AKT3: variants seen among roughly 807,000 people sequenced by gnomAD.
AKT3 encodes RAC-gamma serine/threonine-protein kinase.
In AKT3, 15 loss-of-function variants were observed where a neutral mutation model predicts 65.3. That is an observed-to-expected ratio of 0.23 (90% CI 0.15 to 0.35). The LOEUF (loss-of-function observed/expected upper bound fraction) is 0.35, where lower values mean the gene tolerates loss of function less well. AKT3 is among the 10% of genes least tolerant of loss of function. AKT3 has a pLI of 1.00. For synonymous variants in AKT3, 206 were observed against 183.8 expected, an observed-to-expected ratio of 1.12 and a Z score of -0.98; for missense variants, 243 against 576.5, an observed-to-expected ratio of 0.42 and a Z score of 5.92.
chr1:243,546,184 G>A (rs1672664346), intron 11 of AKT3, among the ~76,000 whole-genome samples: 1 of 152,180 alleles, frequency 6.6e-6, no homozygotes, highest in Non-Finnish European at 1.5e-5. Flanking sequence ...CCTGTAAGAT[G>A]TGCCTCTGCT....
At chr1:243,510,916 T>C (rs1472988062) in intron 13 of AKT3, among the ~76,000 whole-genome samples, 1 of 152,278 alleles carries the variant, frequency 6.6e-6, no homozygotes, top group African/African-American at 2.4e-5. Context: ...TCACTGGTGT[T>C]ACCCAGCATT....
chr1:243,567,618 T>C (rs1035906931), intron 9 of AKT3, among the ~76,000 whole-genome samples: 2 of 151,920 alleles, frequency 1.3e-5, no homozygotes, highest in African/African-American at 4.8e-5. Flanking sequence ...TTTGAGCTAC[T>C]GTGCCCAGCC....
chr1:243,693,293 T>TATA (rs1684842926), intron 3 of AKT3, among the ~76,000 whole-genome samples: 1 of 114,852 alleles, frequency 8.7e-6, no homozygotes, highest in African/African-American at 3.3e-5. Context: ...TATATATATA[T>TATA]AACATTTCCC....
At chr1:243,558,051 C>G (rs1673524297) in intron 10 of AKT3, among the ~76,000 whole-genome samples, 1 of 152,030 alleles carries the variant, frequency 6.6e-6, no homozygotes, top group South Asian at 2.1e-4. Context: ...ACATATGTAA[C>G]TTTAGCCTCA....
intron 2 of AKT3, among the ~76,000 whole-genome samples, chr1:243,801,563 A>T (rs1352604573): frequency 6.6e-6 from 1 of 152,132 alleles, no homozygotes; most frequent in Non-Finnish European, 1.5e-5. Flanking sequence ...CCTTCTGAAT[A>T]CTCCCTAGAG....
At chr1:243,583,057 A>G (rs1675492927) in intron 8 of AKT3, among the ~76,000 whole-genome samples, 1 of 150,796 alleles carries the variant, frequency 6.6e-6, no homozygotes. Flanking sequence ...CAATTCAACA[A>G]GAAGACTTAA....
intron 2 of AKT3, among the ~76,000 whole-genome samples, chr1:243,760,764 T>G (rs550302031): frequency 1.3e-5 from 2 of 152,272 alleles, no homozygotes; most frequent in East Asian, 3.9e-4. Flanking sequence ...ATGGCCCTCA[T>G]GTATAGTGTT....
chr1:243,697,917 A>G (rs1489632655), intron 2 of AKT3, among the ~76,000 whole-genome samples: 1 of 151,978 alleles, frequency 6.6e-6, no homozygotes, highest in East Asian at 1.9e-4. Flanking sequence ...TAAATAGAGG[A>G]TACGTAGATC....
At chr1:243,747,772 A>C (rs1006272104) in intron 2 of AKT3, among the ~76,000 whole-genome samples, 6 of 152,228 alleles carry the variant, frequency 3.9e-5, no homozygotes, top group Non-Finnish European at 8.8e-5. Context: ...AAACACAAAA[A>C]AAATCAAAAG....
At chr1:243,694,489 A>G (rs1236599265) in intron 3 of AKT3, among the ~76,000 whole-genome samples, 1 of 45,924 alleles carries the variant, frequency 2.2e-5, no homozygotes, top group East Asian at 4.2e-4. Context: ...CATTTAAAAA[A>G]TATCTATATT....
chr1:243,629,539 TC>T (rs1215861951), intron 6 of AKT3, among the ~76,000 whole-genome samples: 1 of 152,046 alleles, frequency 6.6e-6, no homozygotes, highest in African/African-American at 2.4e-5. Context: ...ATGCCTGTAA[TC>T]CCAGCACTTT....
intron 3 of AKT3, among the ~76,000 whole-genome samples, chr1:243,670,188 A>T (rs1683068565): frequency 6.6e-6 from 1 of 152,204 alleles, no homozygotes; most frequent in African/African-American, 2.4e-5. Context: ...ATAAACCTAT[A>T]TTTTTTAGGT....
intron 2 of AKT3, among the ~76,000 whole-genome samples, chr1:243,742,501 T>C (rs926959358): frequency 6.6e-6 from 1 of 152,158 alleles, no homozygotes; most frequent in African/African-American, 2.4e-5. Context: ...GCTGGGTGTC[T>C]GTAATTCCAG....
At chr1:243,623,936 G>A (rs1678961455) in intron 6 of AKT3, among the ~76,000 whole-genome samples, 1 of 152,192 alleles carries the variant, frequency 6.6e-6, no homozygotes, top group Admixed American at 6.5e-5. Context: ...CTTAAAGCTT[G>A]CACTTGGTTT....
At chr1:243,828,098 A>G (rs905625661) in intron 2 of AKT3, among the ~76,000 whole-genome samples, 1 of 151,292 alleles carries the variant, frequency 6.6e-6, no homozygotes, top group African/African-American at 2.4e-5. Context: ...ACAAAACTTA[A>G]AAGGGCAAGT....
intron 8 of AKT3, among the ~76,000 whole-genome samples, chr1:243,590,281 C>T (rs557782846): frequency 6.6e-5 from 10 of 152,192 alleles, no homozygotes; most frequent in African/African-American, 1.9e-4. Context: ...AGGTGACAGA[C>T]GTATTCACTA....
At chr1:243,760,191 C>T (rs1262253000) in intron 2 of AKT3, among the ~76,000 whole-genome samples, 3 of 151,858 alleles carry the variant, frequency 2.0e-5, no homozygotes, top group Non-Finnish European at 4.4e-5. Flanking sequence ...GTGGCCTTTG[C>T]CCACTGCAGC....
At chr1:243,751,889 C>G (rs1435843035) in intron 2 of AKT3, among the ~76,000 whole-genome samples, 1 of 152,078 alleles carries the variant, frequency 6.6e-6, no homozygotes, top group African/African-American at 2.4e-5. Flanking sequence ...AGCACTGGAG[C>G]CTACAACTAT....
At chr1:243,791,347 C>A (rs1408971874) in intron 2 of AKT3, among the ~76,000 whole-genome samples, 1 of 151,678 alleles carries the variant, frequency 6.6e-6, no homozygotes, top group Non-Finnish European at 1.5e-5. Flanking sequence ...ATGCAGAACC[C>A]ACAATGGGTA....
Sources: gnomAD v4.1 joint callset for allele counts (sites outside exome capture counted in the v4.1 genomes callset) on GRCh38, gnomAD v4.1.1 for gene constraint, MANE v1.5 for transcripts, NCBI Gene and HGNC (gene_info 2026-07-23, HGNC 2026-07-21) for gene names.